PEBP4: variants seen among roughly 807,000 people sequenced by gnomAD.
PEBP4 encodes phosphatidylethanolamine binding protein 4.
PEBP4 carries 22 observed loss-of-function variants against 23.9 expected under a neutral mutation model. The ratio of observed to expected loss-of-function variants is 0.92; its 90% CI spans 0.66 to 1.31. The LOEUF is 1.31. Ranked by LOEUF, PEBP4 falls within the 40% of genes most tolerant of loss-of-function variation. PEBP4 has a pLI of 0.00. For synonymous variants in PEBP4, 112 were observed against 99.3 expected, an observed-to-expected ratio of 1.13 and a Z score of -0.76; for missense variants, 324 against 281.7, an observed-to-expected ratio of 1.15 and a Z score of -1.07.
Position 22,920,171 on chromosome 8 carries a change from C to T in PEBP4, c.258+13G>A. Reference sequence around the variant, plus strand: ...AACTGTCCCCCCGCTTTAACACAGCCCTGCTCACTCACGTCCACGGCCCCC... The same window carrying T: ...AACTGTCCCCCCGCTTTAACACAGCTCTGCTCACTCACGTCCACGGCCCCC... On this transcript the variant is annotated intron_variant, in intron 3 of 6. Coordinates refer to ENST00000256404, the MANE Select transcript of PEBP4 (RefSeq NM_144962.3). The T allele has an allele frequency of 1.2e-6, 2 of 1,609,610 alleles. No homozygotes were observed. Among genetic ancestry groups the T allele is most frequent in the Non-Finnish European group, 1.7e-6 (2 of 1,176,906 alleles).
intron 3 of PEBP4, among the ~76,000 whole-genome samples, chr8:22,912,804 C>T (rs1314117858): frequency 6.6e-6 from 1 of 152,194 alleles, no homozygotes; most frequent in Non-Finnish European, 1.5e-5. Context: ...TAGAGTGGGA[C>T]ACAGCTGAGT....
chr8:22,751,630 CTG>C (rs66800038), intron 4 of PEBP4, among the ~76,000 whole-genome samples: 60,671 of 137,334 alleles, frequency 0.44, 12,397 homozygotes, highest in East Asian at 0.58. Flanking sequence ...GTGTGTGTCT[CTG>C]TGTGTGTGTG....
chr8:22,927,113 G>C (rs1160954649), intron 2 of PEBP4, among the ~76,000 whole-genome samples: 2 of 152,148 alleles, frequency 1.3e-5, no homozygotes, highest in Non-Finnish European at 2.9e-5. Context: ...ATCCCTAAAG[G>C]GCCCTGCACA....
intron 3 of PEBP4, among the ~76,000 whole-genome samples, chr8:22,861,788 G>A (rs1807781934): frequency 6.6e-6 from 1 of 152,178 alleles, no homozygotes; most frequent in African/African-American, 2.4e-5. Context: ...TTGACAGAGA[G>A]GTATGGGGTA....
intron 3 of PEBP4, among the ~76,000 whole-genome samples, chr8:22,824,209 C>G (rs1806920778): frequency 6.6e-6 from 1 of 152,008 alleles, no homozygotes; most frequent in South Asian, 2.1e-4. Flanking sequence ...TTGCATTTCC[C>G]AAAGTTTATG....
chr8:22,919,214 G>A (rs1809147708), intron 3 of PEBP4, among the ~76,000 whole-genome samples: 1 of 152,194 alleles, frequency 6.6e-6, no homozygotes, highest in Non-Finnish European at 1.5e-5. Flanking sequence ...GCACTGAGGG[G>A]AAGGAAGAAC....
chr8:22,845,894 C>T (rs1311771447), intron 3 of PEBP4, among the ~76,000 whole-genome samples: 2 of 152,220 alleles, frequency 1.3e-5, no homozygotes, highest in Admixed American at 1.3e-4. Flanking sequence ...AGAATGAATG[C>T]GCGAAATGAC....
intron 4 of PEBP4, among the ~76,000 whole-genome samples, chr8:22,765,818 C>T (rs1805601354): frequency 6.7e-6 from 1 of 148,990 alleles, no homozygotes; most frequent in Non-Finnish European, 1.5e-5. Flanking sequence ...ATTCATGGAT[C>T]ACCACCTGTG....
At chr8:22,840,351 G>T (rs1384585068) in intron 3 of PEBP4, among the ~76,000 whole-genome samples, 3 of 151,756 alleles carry the variant, frequency 2.0e-5, no homozygotes, top group East Asian at 1.9e-4. Flanking sequence ...ATTGGCTGGG[G>T]TGTCCCAAAA....
At chr8:22,746,156 C>G (rs1051964091) in intron 4 of PEBP4, among the ~76,000 whole-genome samples, 4 of 151,542 alleles carry the variant, frequency 2.6e-5, no homozygotes, top group Admixed American at 6.6e-5. Context: ...GACATTTTTG[C>G]TGAAGTACAT....
At chr8:22,735,251 T>C (rs1288506318) in intron 4 of PEBP4, among the ~76,000 whole-genome samples, 1 of 152,074 alleles carries the variant, frequency 6.6e-6, no homozygotes, top group African/African-American at 2.4e-5. Flanking sequence ...GAGGCCATGC[T>C]GGGGGGAGCA....
At chr8:22,785,447 C>T (rs1388048142) in intron 4 of PEBP4, among the ~76,000 whole-genome samples, 1 of 152,170 alleles carries the variant, frequency 6.6e-6, no homozygotes, top group African/African-American at 2.4e-5. Flanking sequence ...TGTGTCCTCT[C>T]GGAGACGCCC....
At chr8:22,912,289 G>A (rs892280922) in intron 3 of PEBP4, among the ~76,000 whole-genome samples, 6 of 152,186 alleles carry the variant, frequency 3.9e-5, no homozygotes, top group African/African-American at 4.8e-5. Flanking sequence ...ACTATTGCAA[G>A]ATGCCCATCA....
intron 4 of PEBP4, among the ~76,000 whole-genome samples, chr8:22,766,498 T>C (rs1805618116): frequency 6.6e-6 from 1 of 152,216 alleles, no homozygotes; most frequent in African/African-American, 2.4e-5. Flanking sequence ...AGGGGCATTC[T>C]TCCACAGCCC....
At chr8:22,746,324 T>G (rs1244669722) in intron 4 of PEBP4, among the ~76,000 whole-genome samples, 1 of 152,116 alleles carries the variant, frequency 6.6e-6, no homozygotes, top group African/African-American at 2.4e-5. Flanking sequence ...TGGAAGCAGA[T>G]TGGGCACTTT....
At chr8:22,935,725 A>T (rs1280755978) in intron 1 of PEBP4, among the ~76,000 whole-genome samples, 1 of 152,190 alleles carries the variant, frequency 6.6e-6, no homozygotes, top group Non-Finnish European at 1.5e-5. Context: ...GCTGTGTATA[A>T]GGTATATATA....
chr8:22,733,506 CAGCAGGGATGCTGGCCCA>C (rs1031280426), intron 4 of PEBP4, among the ~76,000 whole-genome samples: 8 of 152,092 alleles, frequency 5.3e-5, no homozygotes, highest in African/African-American at 1.9e-4. Flanking sequence ...CTGCTGGTCC[CAGCAGGGATGCTGGCCCA>C]GTTCCCTCAT....
At chr8:22,728,559 T>TTCCTTCCTTCCCTCCTTCCTTCCTTC (rs1804667047) in intron 4 of PEBP4, among the ~76,000 whole-genome samples, 1 of 96,316 alleles carries the variant, frequency 1.0e-5, no homozygotes, top group African/African-American at 4.6e-5. Context: ...TTTCTTTCTT[T>TTCCTTCCTTCCCTCCTTCCTTCCTTC]CTTCCTTCCT....
intron 6 of PEBP4, among the ~76,000 whole-genome samples, chr8:22,714,522 G>T (rs1460478745): frequency 6.6e-6 from 1 of 151,812 alleles, no homozygotes; most frequent in East Asian, 1.9e-4. Context: ...AAATTTTACT[G>T]GGCATCCTAC....
Sources: gnomAD v4.1 joint callset for allele counts (sites outside exome capture counted in the v4.1 genomes callset) on GRCh38, gnomAD v4.1.1 for gene constraint, MANE v1.5 for transcripts, NCBI Gene and HGNC (gene_info 2026-07-23, HGNC 2026-07-21) for gene names.